CMTM6: variants seen among roughly 807,000 people sequenced by gnomAD.
CMTM6 encodes the protein CKLF-like MARVEL transmembrane domain-containing protein 6.
In CMTM6, 5 loss-of-function variants were observed where a neutral mutation model predicts 13.6. The observed-to-expected ratio is 0.37, with a 90% CI of 0.19 to 0.77. The LOEUF (loss-of-function observed/expected upper bound fraction) is 0.77. Among genes scored for constraint, CMTM6 ranks in the 30% least tolerant of loss-of-function variants. The pLI, the probability that CMTM6 is intolerant of heterozygous loss-of-function variation, is 0.50. For synonymous variants in CMTM6, 99 were observed against 84.5 expected (o/e 1.17, Z -0.94); for missense variants, 196 against 218.6 (o/e 0.90, Z 0.65).
Position 32,491,811 on chromosome 3 carries a change from CA to C in CMTM6, c.213del (p.Phe71LeufsTer4), listed in dbSNP as rs1167303901. ...QCTLCGGLYF[F>X]EFVSCSAFLL... ...AGAAAGGCACTGCAGCTTACAAACT[CA>C]AAAAAATAAAGTCCTCCACATAAAG... is the stretch of plus-strand genomic sequence containing the variant. On this transcript the variant is annotated frameshift_variant, in exon 2 of 4. Coordinates refer to ENST00000205636, the MANE Select transcript of CMTM6 (RefSeq NM_017801.3). LOFTEE classifies it high-confidence loss of function. 6.2e-7 allele frequency: 1 copy of C among 1,613,472 alleles called. No individual in the cohort carries two copies. Among genetic ancestry groups the C allele is most frequent in the Non-Finnish European group, 8.5e-7 (1 of 1,179,812 alleles).
At chr3:32,488,178 A>G in intron 2 of CMTM6, 142 bp from the exon 3 acceptor site, 1 of 595,202 alleles carries the variant, frequency 1.7e-6, no homozygotes, top group Non-Finnish European at 3.0e-6. Flanking sequence ...CAAACTTCTA[A>G]CTTTTCAATA....
chr3:32,483,892 C>T lies in CMTM6; in HGVS notation c.*68G>A. The T allele has an allele frequency of 2.2e-6, 3 of 1,366,660 alleles. No homozygotes were observed. The highest frequency in any genetic ancestry group is 2.9e-6 in the Non-Finnish European group (3 of 1,044,272). 84.7% of individuals were successfully genotyped at this position (1,366,660 alleles called of 1,614,324 possible). ...AAACAATTAACAAATTTTACAAGAG[C>T]TTCTGCCAGGGCTCAGGCACCACAA... On this transcript the variant is annotated 3_prime_UTR_variant, in exon 4 of 4. Transcript: ENST00000205636.
chr3:32,497,330 A>G (rs1284118687), intron 1 of CMTM6, among the ~76,000 whole-genome samples: 1 of 148,316 alleles, frequency 6.7e-6, no homozygotes, highest in Non-Finnish European at 1.5e-5. Flanking sequence ...GCTTTCAGTG[A>G]GCCGAGATCG....
At chr3:32,501,188 C>CA (rs545695553) in intron 1 of CMTM6, among the ~76,000 whole-genome samples, 7,337 of 57,664 alleles carry the variant, frequency 0.13, 416 homozygotes, top group East Asian at 0.35. Context: ...GACTCGGTCT[C>CA]AAAAAAAAAA....
At chr3:32,497,105 C>G (rs1300192261) in intron 1 of CMTM6, among the ~76,000 whole-genome samples, 1 of 152,122 alleles carries the variant, frequency 6.6e-6, no homozygotes, top group East Asian at 1.9e-4. Flanking sequence ...ACTCCTACAC[C>G]GGGCGCGGTG....
At chr3:32,488,149 C>T in intron 2 of CMTM6, 113 bp from the exon 3 acceptor site, 2 of 724,750 alleles carry the variant, frequency 2.8e-6, no homozygotes, top group Non-Finnish European at 4.6e-6. Flanking sequence ...TTTCTTGATA[C>T]AACCCAAACT....
At chr3:32,486,591 C>T (rs926933259) in intron 3 of CMTM6, among the ~76,000 whole-genome samples, 3 of 152,160 alleles carry the variant, frequency 2.0e-5, no homozygotes, top group African/African-American at 7.2e-5. Context: ...AAAATTCTGG[C>T]CCCAAGAATT....
chr3:32,481,349 A>C lies in CMTM6; in HGVS notation c.*2611T>G, dbSNP rs542546075. On this transcript the variant is annotated 3_prime_UTR_variant, in exon 4 of 4. Coordinates refer to ENST00000205636, the MANE Select transcript of CMTM6 (RefSeq NM_017801.3). Reference sequence around the variant, plus strand: ...AAATGGATTTATTTAAAAAGACTATAAAATCTGACATCAAGAGAGATAAAA... The same window carrying C: ...AAATGGATTTATTTAAAAAGACTATCAAATCTGACATCAAGAGAGATAAAA... 6 of 146,528 alleles carry C rather than the reference A, an allele frequency of 4.1e-5. No individual in the cohort carries two copies. In the South Asian group the frequency reaches 1.3e-3, roughly 31 times the overall value. The allele number at this position is 146,528 out of a possible 1,614,324, so 9.1% of individuals were successfully genotyped here.
chr3:32,492,096 G>A (rs886828107), intron 1 of CMTM6, among the ~76,000 whole-genome samples: 4 of 152,162 alleles, frequency 2.6e-5, no homozygotes, highest in African/African-American at 7.2e-5. Flanking sequence ...TTAACCTATC[G>A]TGTACTAATG....
chr3:32,484,626 C>T (rs1697187127), intron 3 of CMTM6, among the ~76,000 whole-genome samples: 1 of 152,160 alleles, frequency 6.6e-6, no homozygotes, highest in Non-Finnish European at 1.5e-5. Flanking sequence ...CCACTACCTA[C>T]TTCCTCTTCC....
chr3:32,497,470 G>A (rs927476738), intron 1 of CMTM6, among the ~76,000 whole-genome samples: 1 of 150,674 alleles, frequency 6.6e-6, no homozygotes, highest in Non-Finnish European at 1.5e-5. Context: ...GTGACACCTG[G>A]TAGTGTGAGG....
At chr3:32,502,554 C>T (rs1697354645) in intron 1 of CMTM6, 54 bp downstream of exon 1, 2 of 1,553,630 alleles carry the variant, frequency 1.3e-6, no homozygotes, top group Non-Finnish European at 8.7e-7. Context: ...CTCCCAAGCC[C>T]GGGCCAGACC....
intron 1 of CMTM6, among the ~76,000 whole-genome samples, chr3:32,493,511 T>C: frequency 6.6e-6 from 1 of 152,072 alleles, no homozygotes; most frequent in Non-Finnish European, 1.5e-5. Context: ...TTGGTGAAGA[T>C]GTAGTTGGAA....
rs144121609 is a variant in CMTM6, at chr3:32,493,877, T to C, written c.139-1991A>G. On this transcript the variant is annotated intron_variant, in intron 1 of 3. Transcript: ENST00000205636. ...TTGCCAGTGACATTAGCAAGAAAAG[T>C]TCCAGGGTAGTCAGGGAGAGAAGCT... Among the ~76,000 whole-genome samples, 198 of 152,246 alleles carry C rather than the reference T, an allele frequency of 1.3e-3. 1 individual carries two copies. The highest frequency in any genetic ancestry group is 4.4e-3 in the African/African-American group (184 of 41,554).
At chr3:32,484,195 C>A in intron 3 of CMTM6, 98 bp from the exon 4 acceptor site, 1 of 1,136,946 alleles carries the variant, frequency 8.8e-7, no homozygotes, top group Admixed American at 2.9e-5. Context: ...ACAAGATGTT[C>A]ATGAATTTTA....
At chr3:32,484,273 TATAAA>T (rs1230778630) in intron 3 of CMTM6, among the ~76,000 whole-genome samples, 176 bp from the exon 4 acceptor site, 1 of 152,146 alleles carries the variant, frequency 6.6e-6, no homozygotes, top group Non-Finnish European at 1.5e-5. Flanking sequence ...GGAAAGAAGT[TATAAA>T]AGAAAAACTT....
intron 1 of CMTM6, among the ~76,000 whole-genome samples, chr3:32,499,829 G>C (rs1049892204): frequency 3.5e-5 from 5 of 143,922 alleles, no homozygotes; most frequent in Non-Finnish European, 6.0e-5. Flanking sequence ...CTGTGTACAG[G>C]CTCCACTCTC....
At chr3:32,497,953 G>A (rs1447209054) in intron 1 of CMTM6, among the ~76,000 whole-genome samples, 1 of 151,616 alleles carries the variant, frequency 6.6e-6, no homozygotes, top group African/African-American at 2.4e-5. Flanking sequence ...AATAGGAAGA[G>A]AGAAAAAATG....
In CMTM6 at chr3:32,502,818, A is replaced by G. The variant is rs1697360277; in HGVS notation, c.-73T>C. 23 of 1,353,980 alleles carry G rather than the reference A, an allele frequency of 1.7e-5. No individual in the cohort carries two copies. The highest frequency in any genetic ancestry group is 2.5e-4 in the Middle Eastern group (1 of 4,048). 83.9% of individuals were successfully genotyped at this position (1,353,980 alleles called of 1,614,324 possible). ...TTCTCGGACTCCAGAAGTCCCCGGT[A>G]GCCGGGAGGCGGCCGTCACTTCCTG... is the stretch of plus-strand genomic sequence containing the variant. On this transcript the variant is annotated 5_prime_UTR_variant, in exon 1 of 4. Transcript: ENST00000205636.
Sources: gnomAD v4.1 joint callset for allele counts (sites outside exome capture counted in the v4.1 genomes callset) on GRCh38, gnomAD v4.1.1 for gene constraint, MANE v1.5 for transcripts, NCBI Gene and HGNC (gene_info 2026-07-23, HGNC 2026-07-21) for gene names.